The following LSMEM2 variants were observed in gnomAD, a reference collection of about 807,000 sequenced individuals.
The protein encoded by LSMEM2 is leucine rich single-pass membrane protein 2.
LSMEM2 carries 20 observed loss-of-function variants against 17.3 expected under a neutral mutation model. That is an observed-to-expected ratio of 1.16 (90% CI 0.81 to 1.68). The LOEUF is 1.68. LSMEM2 is among the 40% of genes most tolerant of loss of function. LSMEM2 has a pLI of 0.00. For synonymous variants in LSMEM2, 94 were observed against 97.8 expected, an observed-to-expected ratio of 0.96 and a Z score of 0.23; for missense variants, 207 against 214.3, an observed-to-expected ratio of 0.97 and a Z score of 0.21.
At chr3:50,285,629 G>T (rs1040049933) in intron 1 of LSMEM2, among the ~76,000 whole-genome samples, 2 of 152,052 alleles carry the variant, frequency 1.3e-5, no homozygotes, top group African/African-American at 4.8e-5. Flanking sequence ...AATACAGGGA[G>T]ACTCCATCTC....
At chr3:50,278,620 T>C (rs587751184), upstream of LSMEM2, among the ~76,000 whole-genome samples, 10 of 152,250 alleles carry the variant, frequency 6.6e-5, no homozygotes, top group African/African-American at 2.2e-4. Context: ...CCTCATGGCA[T>C]TGGGATTCAG....
chr3:50,284,368 G>A (rs1701469589), intron 1 of LSMEM2, among the ~76,000 whole-genome samples: 1 of 152,064 alleles, frequency 6.6e-6, no homozygotes, highest in Admixed American at 6.6e-5. Context: ...GATGCCTAAT[G>A]GTGGCAATAT....
chr3:50,286,484 A>C lies in LSMEM2; in HGVS notation c.72A>C (p.Pro24=), dbSNP rs1553708460. The C allele has an allele frequency of 1.9e-6, 3 of 1,606,072 alleles. No homozygotes were observed. ...CTGCCCCTGCAGACTCCGTGGCGCC[A>C]ATGATGCCCAGCCAGAGGAGCAGGG... The part of the protein sequence containing the change: ...PEETQEDSVA[P]MMPSQRSRGP... The change falls in exon 2 of 4, where the codon CCA becomes CCC. Residue 24 remains proline, a synonymous_variant. Transcript: ENST00000316436.
At position 50,286,859 on chromosome 3, in the gene LSMEM2, A is replaced by G. The variant is rs1263503244; in HGVS notation, c.358A>G (p.Ser120Gly). Reference protein sequence around the residue: ...LVLALLAVYLSVLQSESLRIL... With the variant: ...LVLALLAVYLGVLQSESLRIL... ...GCTCGCACTCCTGGCTGTCTACCTG[A>G]GCGGTATGGACGCATAGGGTGCTAG... The change falls in exon 3 of 4, where the codon AGC becomes GGC. Residue 120 changes from serine (S) to glycine (G), a missense_variant. Coordinates refer to ENST00000316436, the MANE Select transcript of LSMEM2 (RefSeq NM_153215.3). 2.5e-6 allele frequency: 4 copies of G among 1,613,366 alleles called. No homozygotes were observed. The highest frequency in any genetic ancestry group is 3.4e-6 in the Non-Finnish European group (4 of 1,179,954).
intron 1 of LSMEM2, 151 bp from the exon 2 acceptor site, chr3:50,286,320 T>TCAA (rs1701523785): frequency 8.5e-7 from 1 of 1,181,624 alleles, no homozygotes; most frequent in Non-Finnish European, 1.2e-6. Flanking sequence ...TGGATCCAAA[T>TCAA]CAAGGGTAAT....
At chr3:50,279,196 G>T in intron 1 of LSMEM2, 25 bp downstream of exon 1, 1 of 1,609,774 alleles carries the variant, frequency 6.2e-7, no homozygotes. Context: ...CCATGAGGGA[G>T]GGCAAGGCCT....
rs782068153 is a variant in LSMEM2, at chr3:50,286,689, C to CCTAT, written c.192_195dup (p.Thr66SerfsTer3). The CCTAT allele has an allele frequency of 1.2e-5, 19 of 1,613,892 alleles. No homozygotes were observed. In the South Asian group the frequency reaches 1.9e-4, roughly 16 times the overall value. ...ATCCACCCAGCAGGCACACTGCGCC[C>CCTAT]CTATCTAACTGAAGAGGCACGACCG... is the stretch of plus-strand genomic sequence containing the variant. On this transcript the variant is annotated frameshift_variant, in exon 3 of 4. Transcript: ENST00000316436. LOFTEE classifies it high-confidence loss of function.
chr3:50,283,504 G>A (rs1399148302), intron 1 of LSMEM2, among the ~76,000 whole-genome samples: 2 of 151,696 alleles, frequency 1.3e-5, no homozygotes, highest in African/African-American at 4.8e-5. Context: ...GCGGACGCCT[G>A]TAGTCCCAGC....
At chr3:50,280,337 T>A (rs2109259732) in intron 1 of LSMEM2, among the ~76,000 whole-genome samples, 1 of 152,098 alleles carries the variant, frequency 6.6e-6, no homozygotes, top group East Asian at 1.9e-4. Context: ...GTATTTTTAG[T>A]AGAGACAAGG....
chr3:50,286,849 T>C lies in LSMEM2; in HGVS notation c.348T>C (p.Ala116=), dbSNP rs1270080224. ...VLTCLVLALL[A]VYLSVLQSES... ...CTTGCCTAGTGCTCGCACTCCTGGC[T>C]GTCTACCTGAGCGGTATGGACGCAT... Residue 116 remains alanine, a synonymous_variant, in exon 3 of 4, where the codon GCT becomes GCC. Transcript: ENST00000316436. 6.2e-7 allele frequency: 1 copy of C among 1,613,794 alleles called. No individual in the cohort carries two copies. The highest frequency in any genetic ancestry group is 8.5e-7 in the Non-Finnish European group (1 of 1,180,032).
chr3:50,282,384 A>C (rs914062721), intron 1 of LSMEM2, among the ~76,000 whole-genome samples: 1 of 152,268 alleles, frequency 6.6e-6, no homozygotes, highest in East Asian at 1.9e-4. Context: ...TGAGCACGTC[A>C]AGAGGCAGTT....
chr3:50,285,964 C>CAGT (rs141333686), intron 1 of LSMEM2, among the ~76,000 whole-genome samples: 5,257 of 152,278 alleles, frequency 0.035, 310 homozygotes, highest in African/African-American at 0.12. Flanking sequence ...GTCTCCCCAA[C>CAGT]AGTAAATGTT....
At chr3:50,285,026 ACT>A (rs782334130) in intron 1 of LSMEM2, among the ~76,000 whole-genome samples, 13 of 148,226 alleles carry the variant, frequency 8.8e-5, no homozygotes, top group Non-Finnish European at 1.6e-4. Context: ...ACAGAGCAAG[ACT>A]CTGTCTCAAA....
Position 50,286,593 on chromosome 3 carries a change from G to A in LSMEM2, c.172+9G>A. On this transcript the variant is annotated intron_variant, in intron 2 of 3. Transcript: ENST00000316436. The stretch of plus-strand genomic sequence containing the variant: ...CGACCTACATAGTGGAGGTGAGTGG[G>A]GACAGTGGGGTGGATGATGTGCTGG... 1 of 1,611,544 alleles carries A rather than the reference G, an allele frequency of 6.2e-7. No homozygotes were observed. The highest frequency in any genetic ancestry group is 8.5e-7 in the Non-Finnish European group (1 of 1,178,806).
chr3:50,284,389 G>A (rs1273729399), intron 1 of LSMEM2, among the ~76,000 whole-genome samples: 1 of 151,800 alleles, frequency 6.6e-6, no homozygotes, highest in Non-Finnish European at 1.5e-5. Flanking sequence ...TATACCCTGC[G>A]GGGGAGCTGT....
In LSMEM2 at chr3:50,287,353, C is replaced by T; in HGVS notation, c.*151C>T. On this transcript the variant is annotated 3_prime_UTR_variant, in exon 4 of 4. Coordinates refer to ENST00000316436, the MANE Select transcript of LSMEM2 (RefSeq NM_153215.3). ...CAAGAACCTGTTGTTAACTTAATGG[C>T]TGCCTCCCTCTCCTGATCTCTTCAA... 2 of 1,021,678 alleles carry T rather than the reference C, an allele frequency of 2.0e-6. No individual in the cohort carries two copies. The highest frequency in any genetic ancestry group is 2.9e-6 in the Non-Finnish European group (2 of 698,650). 63.3% of individuals were successfully genotyped at this position (1,021,678 alleles called of 1,614,324 possible).
chr3:50,285,003 T>C (rs1474615065), intron 1 of LSMEM2, among the ~76,000 whole-genome samples: 2 of 150,576 alleles, frequency 1.3e-5, no homozygotes, highest in African/African-American at 4.9e-5. Flanking sequence ...GCCACTGCAC[T>C]CCAGCCTGGG....
chr3:50,287,536 G>A lies in LSMEM2; in HGVS notation c.*334G>A. The A allele has an allele frequency of 2.9e-6, 1 of 349,012 alleles. No individual in the cohort carries two copies. Among genetic ancestry groups the A allele is most frequent in the Non-Finnish European group, 5.4e-6 (1 of 183,858 alleles). The allele number at this position is 349,012 out of a possible 1,614,324, so 21.6% of individuals were successfully genotyped here. On this transcript the variant is annotated 3_prime_UTR_variant, in exon 4 of 4. Coordinates refer to ENST00000316436, the MANE Select transcript of LSMEM2 (RefSeq NM_153215.3). ...AAGTCTAGAAATAGCTGCCCCCATA[G>A]CAATCACCCAAACTCTGCCAGGGCT... is the stretch of plus-strand genomic sequence containing the variant.
chr3:50,287,536 G>GCAAT lies in LSMEM2; in HGVS notation c.*337_*340dup, dbSNP rs138857501. The GCAAT allele has an allele frequency of 4.6e-3, 1,601 of 349,012 alleles. 22 individuals are homozygous for GCAAT. The highest frequency in any genetic ancestry group is 0.031 in the African/African-American group (1,509 of 48,010). 21.6% of individuals were successfully genotyped at this position (349,012 alleles called of 1,614,324 possible). On this transcript the variant is annotated 3_prime_UTR_variant, in exon 4 of 4. Transcript: ENST00000316436. ...AAGTCTAGAAATAGCTGCCCCCATAGCAATCACCCAAACTCTGCCAGGGCT... is the reference window on the plus strand; with the variant it reads ...AAGTCTAGAAATAGCTGCCCCCATAGCAATCAATCACCCAAACTCTGCCAGGGCT...
Sources: allele counts gnomAD v4.1 joint callset (sites outside exome capture counted in the v4.1 genomes callset), GRCh38; gene constraint gnomAD v4.1.1; transcripts MANE v1.5; gene names NCBI Gene and HGNC (gene_info 2026-07-23, HGNC 2026-07-21).